The following EFR3B variants were observed in gnomAD, a reference collection of about 807,000 sequenced individuals.
EFR3B encodes the protein EFR3 homolog B, also known as protein EFR3 homolog B.
Under a neutral mutation model 104.7 loss-of-function variants are expected in EFR3B, and 64 were observed. That is an observed-to-expected ratio of 0.61 (90% CI 0.50 to 0.75). The LOEUF is 0.75. Ranked by LOEUF, EFR3B falls within the 30% of genes least tolerant of loss-of-function variation. The probability of loss-of-function intolerance (pLI) is 0.00; values close to 1 mark genes in which losing one functional copy is unlikely to be tolerated. For missense variants in EFR3B, 750 were observed against 1,078.5 expected (o/e 0.70, Z 4.27); for synonymous variants, 385 against 417.9 (o/e 0.92, Z 0.96).
At chr2:25,092,419 C>CTT (rs1391355542) in intron 2 of EFR3B, among the ~76,000 whole-genome samples, 6 of 92,206 alleles carry the variant, frequency 6.5e-5, no homozygotes, top group African/African-American at 9.2e-5. Flanking sequence ...CACACACACA[C>CTT]ACACTTACAC....
At chr2:25,045,041 G>T (rs752696792) in intron 1 of EFR3B, among the ~76,000 whole-genome samples, 1 of 152,208 alleles carries the variant, frequency 6.6e-6, no homozygotes. Context: ...ACGCATGTCT[G>T]TCTACCTTCC....
At chr2:25,049,575 C>G (rs1667809851) in intron 1 of EFR3B, among the ~76,000 whole-genome samples, 1 of 152,158 alleles carries the variant, frequency 6.6e-6, no homozygotes, top group South Asian at 2.1e-4. Context: ...AGTTACTCAT[C>G]AGATGTTCAA....
intron 20 of EFR3B, 115 bp from the exon 21 acceptor site, chr2:25,151,799 C>A: frequency 8.4e-7 from 1 of 1,193,950 alleles, no homozygotes; most frequent in Non-Finnish European, 1.2e-6. Flanking sequence ...CTGTCCCCTA[C>A]TCTTCAGAAG....
chr2:25,059,114 A>ATTT lies in EFR3B; in HGVS notation c.7+16809_7+16811dup, dbSNP rs70947864. ...TATGATAGAATATTATTCAGTGTTG[A>ATTT]TTTTTTTTTTTTTTTTGAGATGGAG... On this transcript the variant is annotated intron_variant, in intron 1 of 22. Transcript: ENST00000403714. Among the ~76,000 whole-genome samples the ATTT allele has an allele frequency of 3.1e-3, 447 of 142,090 alleles. 1 individual carries two copies. Among genetic ancestry groups the ATTT allele is most frequent in the Admixed American group, 4.6e-3 (65 of 14,108 alleles). The allele number at this position is 142,090 out of a possible 152,430, so 93.2% of individuals were successfully genotyped here.
At chr2:25,073,639 C>T (rs1261522832) in intron 1 of EFR3B, among the ~76,000 whole-genome samples, 2 of 152,116 alleles carry the variant, frequency 1.3e-5, no homozygotes, top group African/African-American at 4.8e-5. Flanking sequence ...TGAGCCACTG[C>T]GCCCAGCCCA....
At chr2:25,125,677 G>T (rs11693908) in intron 5 of EFR3B, among the ~76,000 whole-genome samples, 2 of 152,118 alleles carry the variant, frequency 1.3e-5, no homozygotes, top group Non-Finnish European at 2.9e-5. Context: ...GGCCAGGCAC[G>T]GTGGCTCACG....
chr2:25,141,872 G>T (rs896690941), intron 17 of EFR3B, among the ~76,000 whole-genome samples: 3 of 152,128 alleles, frequency 2.0e-5, no homozygotes, highest in Non-Finnish European at 4.4e-5. Flanking sequence ...ATAAATTATG[G>T]CCCATCCATA....
intron 20 of EFR3B, among the ~76,000 whole-genome samples, chr2:25,150,080 T>G (rs775032974): frequency 6.6e-6 from 1 of 152,090 alleles, no homozygotes; most frequent in Non-Finnish European, 1.5e-5. Context: ...GGTGGGTGGA[T>G]CTCAAGGTCA....
intron 11 of EFR3B, 39 bp downstream of exon 11, chr2:25,133,053 C>T (rs1558615541): frequency 7.3e-6 from 11 of 1,510,604 alleles, no homozygotes; most frequent in Non-Finnish European, 9.0e-6. Flanking sequence ...GTCCTCCTCT[C>T]CCCCAGCTGC....
At chr2:25,119,056 TTTA>T (rs1483672623) in intron 4 of EFR3B, among the ~76,000 whole-genome samples, 12 of 152,332 alleles carry the variant, frequency 7.9e-5, no homozygotes, top group African/African-American at 2.4e-4. Flanking sequence ...TTTCTTTCTC[TTTA>T]TTATTGGCCT....
intron 1 of EFR3B, among the ~76,000 whole-genome samples, chr2:25,043,315 T>C (rs1303854570): frequency 2.0e-5 from 3 of 152,198 alleles, no homozygotes. Flanking sequence ...CAGGCTGCAC[T>C]TGAGGGGTCA....
intron 1 of EFR3B, among the ~76,000 whole-genome samples, chr2:25,050,142 AATAG>A (rs1028657050): frequency 5.9e-5 from 9 of 152,048 alleles, no homozygotes; most frequent in African/African-American, 2.2e-4. Context: ...AAAAAAAAAA[AATAG>A]ATAAGGAGAT....
At chr2:25,088,682 T>C (rs1485411313) in intron 1 of EFR3B, among the ~76,000 whole-genome samples, 1 of 152,140 alleles carries the variant, frequency 6.6e-6, no homozygotes, top group Non-Finnish European at 1.5e-5. Context: ...GGGATAGCCC[T>C]AGCCCTGTTA....
At chr2:25,068,170 G>A (rs371139124) in intron 1 of EFR3B, among the ~76,000 whole-genome samples, 87 of 152,316 alleles carry the variant, frequency 5.7e-4, no homozygotes, top group Middle Eastern at 3.4e-3. Flanking sequence ...GACTGGGTGT[G>A]TAAGGTCAGG....
intron 1 of EFR3B, among the ~76,000 whole-genome samples, chr2:25,069,724 T>C (rs1480770299): frequency 1.3e-5 from 2 of 152,168 alleles, no homozygotes; most frequent in African/African-American, 2.4e-5. Context: ...TGAGACGGAG[T>C]CTTGCTCTGT....
At chr2:25,148,235 C>G (rs141271275) in intron 19 of EFR3B, among the ~76,000 whole-genome samples, 5 of 150,822 alleles carry the variant, frequency 3.3e-5, no homozygotes, top group African/African-American at 1.2e-4. Context: ...CCTCAGCAGC[C>G]GGGGAGGGCC....
intron 1 of EFR3B, among the ~76,000 whole-genome samples, chr2:25,078,186 C>G (rs553622150): frequency 1.3e-5 from 2 of 152,200 alleles, no homozygotes; most frequent in Admixed American, 1.3e-4. Flanking sequence ...AAGTGCCCTG[C>G]GAACTGCTGG....
Position 25,094,282 on chromosome 2 carries a change from CAAAAAAA to C in EFR3B, c.212+1165_212+1171del, listed in dbSNP as rs11455802. On this transcript the variant is annotated intron_variant, in intron 3 of 22. Transcript: ENST00000403714. Reference sequence around the variant, plus strand: ...CCTGGGAGACAGATTGAGACTGTCTCAAAAAAAAAAAAAAAAAAAGAAAAAAGAAACA... The same window carrying C: ...CCTGGGAGACAGATTGAGACTGTCTCAAAAAAAAAAAAGAAAAAAGAAACA... Among the ~76,000 whole-genome samples the C allele has an allele frequency of 1.3e-4, 12 of 91,660 alleles. No homozygotes were observed. In the South Asian group the frequency reaches 4.0e-3, roughly 31 times the overall value. The allele number at this position is 91,660 out of a possible 152,430, so 60.1% of individuals were successfully genotyped here.
intron 19 of EFR3B, chr2:25,145,962 T>C (rs144192894): frequency 6.6e-6 from 1 of 152,128 alleles, no homozygotes; most frequent in East Asian, 1.9e-4. Context: ...ATTCTGTGGG[T>C]TTGGACAAAT....
Sources: allele counts gnomAD v4.1 joint callset (sites outside exome capture counted in the v4.1 genomes callset), GRCh38; gene constraint gnomAD v4.1.1; transcripts MANE v1.5; gene names NCBI Gene and HGNC (gene_info 2026-07-23, HGNC 2026-07-21).